ABTB2: variants seen among roughly 807,000 people sequenced by gnomAD.
The protein encoded by ABTB2 is ankyrin repeat and BTB/POZ domain-containing protein 2.
ABTB2 carries 56 observed loss-of-function variants against 104.1 expected under a neutral mutation model. The observed-to-expected ratio is 0.54, with a 90% CI of 0.43 to 0.67. The LOEUF (loss-of-function observed/expected upper bound fraction) is 0.67. Among genes scored for constraint, ABTB2 ranks in the 30% least tolerant of loss-of-function variants. The pLI, the probability that ABTB2 is intolerant of heterozygous loss-of-function variation, is 0.00. For synonymous variants in ABTB2, 606 were observed against 608.2 expected (o/e 1.00, Z 0.05); for missense variants, 1,279 against 1,407.7 (o/e 0.91, Z 1.46).
intron 1 of ABTB2, among the ~76,000 whole-genome samples, chr11:34,321,424 G>A (rs1172721114): frequency 1.3e-5 from 2 of 152,182 alleles, no homozygotes; most frequent in African/African-American, 4.8e-5. Context: ...GACTTTAAAG[G>A]TTACTTCTTT....
At chr11:34,306,309 C>T (rs188051820) in intron 1 of ABTB2, among the ~76,000 whole-genome samples, 239 of 132,080 alleles carry the variant, frequency 1.8e-3, no homozygotes, top group Non-Finnish European at 3.1e-3. Flanking sequence ...TGCAGTGGCA[C>T]AATCTCGGCT....
intron 1 of ABTB2, among the ~76,000 whole-genome samples, chr11:34,242,791 G>C (rs1167451157): frequency 6.6e-6 from 1 of 152,114 alleles, no homozygotes; most frequent in Non-Finnish European, 1.5e-5. Flanking sequence ...GCTCATGCGG[G>C]CATTGCCTCA....
At chr11:34,246,694 A>C (rs1160520434) in intron 1 of ABTB2, among the ~76,000 whole-genome samples, 1 of 148,370 alleles carries the variant, frequency 6.7e-6, no homozygotes, top group Non-Finnish European at 1.5e-5. Flanking sequence ...ACTTGCTTTG[A>C]ACCCTACCAC....
chr11:34,171,205 G>T, intron 4 of ABTB2, 134 bp from the exon 5 acceptor site: 3 of 894,696 alleles, frequency 3.4e-6, no homozygotes, highest in African/African-American at 1.7e-5. Context: ...GTTATGATCA[G>T]ATCAGCAATT....
chr11:34,159,840 C>T, intron 13 of ABTB2, 66 bp downstream of exon 13: 1 of 1,320,672 alleles, frequency 7.6e-7, no homozygotes, highest in Non-Finnish European at 1.1e-6. Flanking sequence ...CTCTCTGTCA[C>T]CTGGAATCTG....
chr11:34,357,375 G>A lies in ABTB2; in HGVS notation c.209C>T (p.Thr70Met), dbSNP rs945927720. The A allele has an allele frequency of 4.5e-6, 7 of 1,542,838 alleles. No homozygotes were observed. Among genetic ancestry groups the A allele is most frequent in the Middle Eastern group, 1.7e-4 (1 of 5,966 alleles). ...SMNSRHNSWD[T>M]VNTVLPEDPE... ...GTCCTCGGGCAGCACCGTGTTCACC[G>A]TGTCCCAGCTGTTGTGGCGGCTGTT... The change falls in exon 1 of 17, where the codon ACG becomes ATG. Residue 70 changes from threonine to methionine, a missense_variant. By Grantham distance (81) the Thr-to-Met change is moderately conservative. Transcript: ENST00000435224.
chr11:34,164,766 G>A lies in ABTB2; in HGVS notation c.1908C>T (p.Ser636=). The change falls in exon 9 of 17, where the codon AGC becomes AGT. Residue 636 remains serine, a synonymous_variant. Transcript: ENST00000435224. ...AGCCCATGCCGTGGGCCTCCAGCAT[G>A]CTGAGGAGGGGGTCGGCGCCTCGGC... ...LLSRGADPLL[S]MLEAHGMGSS... 6.4e-7 allele frequency: 1 copy of A among 1,567,204 alleles called. No individual in the cohort carries two copies.
At chr11:34,309,140 T>C (rs144178318) in intron 1 of ABTB2, among the ~76,000 whole-genome samples, 19 of 152,334 alleles carry the variant, frequency 1.2e-4, no homozygotes, top group African/African-American at 4.6e-4. Flanking sequence ...CCAAAACTTC[T>C]GGAGGGGGCC....
In ABTB2 at chr11:34,204,694, TG is replaced by T. The variant is rs774398328; in HGVS notation, c.884-5del. 6.2e-7 allele frequency: 1 copy of T among 1,610,734 alleles called. No individual in the cohort carries two copies. Among genetic ancestry groups the T allele is most frequent in the Non-Finnish European group, 8.5e-7 (1 of 1,178,430 alleles). ...TATGCGGGGAGGGAGAGGACACCTA[TG>T]GGGAAAGAAGGCAGACAGGTCACAC... On this transcript the variant is annotated splice_polypyrimidine_tract_variant and splice_region_variant and intron_variant, in intron 1 of 16. Coordinates refer to ENST00000435224, the MANE Select transcript of ABTB2 (RefSeq NM_145804.3).
At position 34,357,390 on chromosome 11, in the gene ABTB2, T is replaced by C. The variant is rs1170211841; in HGVS notation, c.194A>G (p.His65Arg). 5 of 1,543,824 alleles carry C rather than the reference T, an allele frequency of 3.2e-6. No individual in the cohort carries two copies. The highest frequency in any genetic ancestry group is 2.4e-5 in the South Asian group (2 of 83,744). Residue 65 changes from histidine to arginine, a missense_variant, in exon 1 of 17, where the codon CAC becomes CGC. By Grantham distance (29) the His-to-Arg change is conservative. Transcript: ENST00000435224. Reference protein sequence around the residue: ...WCYSGSMNSRHNSWDTVNTVL... With the variant: ...WCYSGSMNSRRNSWDTVNTVL... ...CGTGTTCACCGTGTCCCAGCTGTTG[T>C]GGCGGCTGTTCATGGAGCCGGAGTA...
rs758109032 is a variant in ABTB2, at chr11:34,154,390, G to C, written c.2767-12C>G. ...GCAGCTGACAGCAGCTGGTAGGGAG[G>C]CAGAGCAGGTCTTGGGGACCCATGG... On this transcript the variant is annotated splice_polypyrimidine_tract_variant and intron_variant, in intron 15 of 16. Transcript: ENST00000435224. This position sits in a 1 kb window ranked among gnomAD's most constrained non-coding sequence, Gnocchi z 4.9. 2 of 1,598,322 alleles carry C rather than the reference G, an allele frequency of 1.3e-6. No homozygotes were observed. Among genetic ancestry groups the C allele is most frequent in the Non-Finnish European group, 1.7e-6 (2 of 1,168,844 alleles).
chr11:34,163,778 A>G (rs182371170), intron 9 of ABTB2, among the ~76,000 whole-genome samples: 1 of 152,342 alleles, frequency 6.6e-6, no homozygotes, highest in Admixed American at 6.5e-5. Context: ...AGGCGCTGGC[A>G]TGTGAAGGTG....
chr11:34,223,555 A>G (rs868486893), intron 1 of ABTB2, among the ~76,000 whole-genome samples: 2 of 152,194 alleles, frequency 1.3e-5, no homozygotes, highest in Non-Finnish European at 2.9e-5. Flanking sequence ...CTATCTCTGC[A>G]TGGGGTGTTG....
chr11:34,263,812 C>A (rs946535952), intron 1 of ABTB2, among the ~76,000 whole-genome samples: 3 of 152,336 alleles, frequency 2.0e-5, no homozygotes, highest in Non-Finnish European at 2.9e-5. Context: ...ACACACGACA[C>A]ACATCAGGCA....
chr11:34,245,347 T>G (rs1336207523), intron 1 of ABTB2, among the ~76,000 whole-genome samples: 2 of 152,198 alleles, frequency 1.3e-5, no homozygotes, highest in African/African-American at 2.4e-5. Flanking sequence ...CTTTGGATTC[T>G]TTGGTTTTCC....
chr11:34,278,440 A>G (rs1195875556), intron 1 of ABTB2, among the ~76,000 whole-genome samples: 2 of 152,164 alleles, frequency 1.3e-5, no homozygotes, highest in Non-Finnish European at 2.9e-5. Context: ...TTTTCTAAAT[A>G]TATTTGGCCA....
Position 34,336,111 on chromosome 11 carries a change from T to C in ABTB2, c.883+20590A>G, listed in dbSNP as rs1168324893. ...AACCTGACGTTCCTGCCATCCAATA[T>C]TTGTTTTTAATTTCTCTACATTGTA... On this transcript the variant is annotated intron_variant, in intron 1 of 16. Transcript: ENST00000435224. The C allele has an allele frequency of 2.9e-5, 8 of 279,552 alleles. No individual in the cohort carries two copies. In the East Asian group the frequency reaches 6.2e-4, roughly 22 times the overall value. The allele number at this position is 279,552 out of a possible 1,614,324, so 17.3% of individuals were successfully genotyped here.
In ABTB2 at chr11:34,223,140, C is replaced by T. The variant is rs115878609; in HGVS notation, c.884-18450G>A. 6.3e-3 allele frequency among the ~76,000 whole-genome samples: 953 copies of T among 152,234 alleles called. 12 individuals are homozygous for T. The highest frequency in any genetic ancestry group is 0.021 in the African/African-American group (877 of 41,524). ...GGGCTATAAACGTCACATGGACAAG[C>T]GGAGAGTGAGTTTACGAGGCTGGCG... is the stretch of plus-strand genomic sequence containing the variant. On this transcript the variant is annotated intron_variant, in intron 1 of 16. Transcript: ENST00000435224.
chr11:34,322,911 C>CTTAT (rs1050056094), intron 1 of ABTB2, among the ~76,000 whole-genome samples: 3 of 151,890 alleles, frequency 2.0e-5, no homozygotes, highest in Admixed American at 6.6e-5. Context: ...TGCTTGCTTG[C>CTTAT]TTATTTATTT....
Sources: gnomAD v4.1 joint callset for allele counts (sites outside exome capture counted in the v4.1 genomes callset) on GRCh38, gnomAD v4.1.1 for gene constraint, Gnocchi (gnomAD v3.1) non-coding constraint, MANE v1.5 for transcripts, NCBI Gene and HGNC (gene_info 2026-07-23, HGNC 2026-07-21) for gene names.